The following PARD3B variants were observed in gnomAD, a reference collection of about 807,000 sequenced individuals.
PARD3B encodes the protein par-3 family cell polarity regulator beta, also known as partitioning defective 3 homolog B.
Under a neutral mutation model 130.2 loss-of-function variants are expected in PARD3B, and 103 were observed. The observed-to-expected ratio is 0.79, with a 90% CI of 0.67 to 0.93. PARD3B has a LOEUF of 0.93. Among genes scored for constraint, PARD3B ranks in the 40% least tolerant of loss-of-function variants. The pLI is 0.00. For synonymous variants in PARD3B, 583 were observed against 553.2 expected (o/e 1.05, Z -0.76); for missense variants, 1,609 against 1,499.2 (o/e 1.07, Z -1.21).
At chr2:204,823,712 G>A (rs995274057) in intron 2 of PARD3B, among the ~76,000 whole-genome samples, 1 of 152,168 alleles carries the variant, frequency 6.6e-6, no homozygotes, top group African/African-American at 2.4e-5. Context: ...GGCCAAGGCG[G>A]TTAGATCACC....
At chr2:204,986,579 C>T (rs147194428) in intron 3 of PARD3B, among the ~76,000 whole-genome samples, 15 of 152,226 alleles carry the variant, frequency 9.9e-5, no homozygotes, top group South Asian at 6.2e-4. Flanking sequence ...TTTTAACGTA[C>T]GCAATTAATA....
At chr2:204,751,056 C>G (rs1342825810) in intron 2 of PARD3B, among the ~76,000 whole-genome samples, 1 of 152,116 alleles carries the variant, frequency 6.6e-6, no homozygotes, top group Admixed American at 6.6e-5. Context: ...TTCCTGTCAT[C>G]CTGTGAGCTT....
chr2:205,294,536 C>T (rs1392915094), intron 16 of PARD3B, among the ~76,000 whole-genome samples: 2 of 152,134 alleles, frequency 1.3e-5, no homozygotes, highest in African/African-American at 2.4e-5. Context: ...TTTGAACACA[C>T]TTGAAGGGCC....
chr2:205,452,380 A>G (rs2048131181), intron 20 of PARD3B, among the ~76,000 whole-genome samples: 1 of 152,172 alleles, frequency 6.6e-6, no homozygotes, highest in African/African-American at 2.4e-5. Flanking sequence ...GGACTTGAAC[A>G]GTGAATACAG....
chr2:205,121,456 A>T lies in PARD3B; in HGVS notation c.807-135A>T, dbSNP rs1027544858. 5.0e-6 allele frequency: 4 copies of T among 800,270 alleles called. No individual in the cohort carries two copies. The highest frequency in any genetic ancestry group is 8.1e-6 in the Non-Finnish European group (4 of 493,424). The allele number at this position is 800,270 out of a possible 1,614,324, so 49.6% of individuals were successfully genotyped here. On this transcript the variant is annotated intron_variant, in intron 7 of 22. Transcript: ENST00000406610. This position sits in a 1 kb window ranked among gnomAD's most constrained non-coding sequence, Gnocchi z 5.0. ...TAACTAGTATGTAGTTGGCAAAGTC[A>T]TTCTGATAGGAATATTGATCGTGTC... is the stretch of plus-strand genomic sequence containing the variant.
In PARD3B at chr2:205,116,539, T is replaced by G. The variant is rs901607907; in HGVS notation, c.681-2382T>G. On this transcript the variant is annotated intron_variant, in intron 6 of 22. Transcript: ENST00000406610. The surrounding 1 kb of genome is among the most constrained non-coding windows in gnomAD (Gnocchi z 4.5). ...CTTTATCACTGTTCATTAATGCAAA[T>G]TAACTGGTTAGTCTCGGCCTATAAC... Among the ~76,000 whole-genome samples the G allele has an allele frequency of 6.6e-6, 1 of 152,212 alleles. No homozygotes were observed. The highest frequency in any genetic ancestry group is 1.5e-5 in the Non-Finnish European group (1 of 68,030).
chr2:205,398,943 A>G (rs1355792795), intron 18 of PARD3B, among the ~76,000 whole-genome samples: 2 of 152,132 alleles, frequency 1.3e-5, no homozygotes, highest in Non-Finnish European at 1.5e-5. Context: ...GGTTGGGGGT[A>G]TGAAGCCGGC....
chr2:205,462,795 C>T (rs536162609), intron 20 of PARD3B, among the ~76,000 whole-genome samples: 8 of 152,244 alleles, frequency 5.3e-5, no homozygotes, highest in East Asian at 1.9e-4. Flanking sequence ...TTACTACCAC[C>T]GATCAAATTG....
intron 3 of PARD3B, among the ~76,000 whole-genome samples, chr2:205,000,049 C>T (rs749663531): frequency 3.8e-4 from 57 of 151,222 alleles, no homozygotes; most frequent in Non-Finnish European, 7.2e-4. Flanking sequence ...CTCCTTTTGC[C>T]TGTGTGGAAG....
chr2:204,850,958 A>G (rs921786511), intron 2 of PARD3B, among the ~76,000 whole-genome samples: 1 of 152,224 alleles, frequency 6.6e-6, no homozygotes, highest in Non-Finnish European at 1.5e-5. Flanking sequence ...CAAAGACTGT[A>G]GAAGTACAGT....
intron 4 of PARD3B, among the ~76,000 whole-genome samples, chr2:205,065,884 A>G (rs1243215424): frequency 1.3e-5 from 2 of 152,160 alleles, no homozygotes; most frequent in African/African-American, 4.8e-5. Context: ...TTAATAAATT[A>G]CCCAATCTCA....
chr2:205,524,896 C>G (rs1034015248), intron 21 of PARD3B, among the ~76,000 whole-genome samples: 2 of 152,170 alleles, frequency 1.3e-5, no homozygotes, highest in Non-Finnish European at 2.9e-5. Context: ...CACACTGGTG[C>G]AAGTTTCACC....
At chr2:204,700,567 G>A (rs2125275316) in intron 2 of PARD3B, among the ~76,000 whole-genome samples, 1 of 152,190 alleles carries the variant, frequency 6.6e-6, no homozygotes, top group South Asian at 2.1e-4. Flanking sequence ...CCAAATCAGT[G>A]TTTTATAGTA....
chr2:205,242,892 C>T (rs924069859), intron 15 of PARD3B, among the ~76,000 whole-genome samples: 3 of 152,090 alleles, frequency 2.0e-5, no homozygotes, highest in Non-Finnish European at 4.4e-5. Flanking sequence ...AGTGGCCGGG[C>T]GCAGTGGTTC....
intron 2 of PARD3B, among the ~76,000 whole-genome samples, chr2:204,818,308 A>G (rs947326618): frequency 2.0e-5 from 3 of 152,222 alleles, no homozygotes; most frequent in African/African-American, 7.2e-5. Flanking sequence ...ATGTTAGTTT[A>G]ATCAGGTTAT....
At chr2:204,758,076 A>T (rs535363862) in intron 2 of PARD3B, among the ~76,000 whole-genome samples, 1 of 152,160 alleles carries the variant, frequency 6.6e-6, no homozygotes, top group Non-Finnish European at 1.5e-5. Flanking sequence ...GGGCCACACC[A>T]TATGCATTCA....
At chr2:204,608,648 T>G (rs1175394896) in intron 1 of PARD3B, among the ~76,000 whole-genome samples, 1 of 152,186 alleles carries the variant, frequency 6.6e-6, no homozygotes, top group African/African-American at 2.4e-5. Context: ...TGACATTCAT[T>G]TCACAGGGAT....
intron 2 of PARD3B, among the ~76,000 whole-genome samples, chr2:204,957,571 G>A (rs1240264716): frequency 6.6e-6 from 1 of 152,106 alleles, no homozygotes; most frequent in Non-Finnish European, 1.5e-5. Context: ...GCTGATGCTT[G>A]CCTCTGATGA....
intron 21 of PARD3B, among the ~76,000 whole-genome samples, chr2:205,501,638 C>G (rs1010717917): frequency 6.6e-6 from 1 of 152,186 alleles, no homozygotes; most frequent in Non-Finnish European, 1.5e-5. Flanking sequence ...AGTGCTCTAT[C>G]TCAAAACCTC....
Sources: allele counts gnomAD v4.1 joint callset (sites outside exome capture counted in the v4.1 genomes callset), GRCh38; gene constraint gnomAD v4.1.1; non-coding constraint Gnocchi (gnomAD v3.1); transcripts MANE v1.5; gene names NCBI Gene and HGNC (gene_info 2026-07-23, HGNC 2026-07-21).